The following LEKR1 variants were observed in gnomAD, a reference collection of about 807,000 sequenced individuals.
LEKR1 encodes protein LEKR1.
LEKR1 carries 59 observed loss-of-function variants against 72.4 expected under a neutral mutation model. The observed-to-expected ratio is 0.82, with a 90% CI of 0.66 to 1.01. The LOEUF (loss-of-function observed/expected upper bound fraction) is 1.01. LEKR1 is among the 50% of genes least tolerant of loss of function. The probability of loss-of-function intolerance (pLI) is 0.00; values close to 1 mark genes in which losing one functional copy is unlikely to be tolerated. For missense variants in LEKR1, 728 were observed against 759.2 expected, an observed-to-expected ratio of 0.96 and a Z score of 0.48; for synonymous variants, 257 against 263.2, an observed-to-expected ratio of 0.98 and a Z score of 0.23.
intron 3 of LEKR1, among the ~76,000 whole-genome samples, chr3:156,855,142 T>C (rs186749708): frequency 2.6e-4 from 39 of 152,306 alleles, no homozygotes; most frequent in Admixed American, 2.0e-4. Context: ...TGTGAACATA[T>C]GTTGTTCCAA....
At position 157,028,105 on chromosome 3, in the gene LEKR1, A is replaced by G; in HGVS notation, c.1371A>G (p.Ile457Met). The G allele has an allele frequency of 6.4e-7, 1 of 1,559,888 alleles. No individual in the cohort carries two copies. The highest frequency in any genetic ancestry group is 8.7e-7 in the Non-Finnish European group (1 of 1,153,884). The change falls in exon 12 of 13, where the codon ATA becomes ATG. Residue 457 changes from isoleucine (I) to methionine (M), a missense_variant and splice_region_variant. Coordinates refer to ENST00000356539, the MANE Select transcript of LEKR1 (RefSeq NM_001004316.3). ...KKEQEELQMK[I>M]SDLITGATRD... Reference sequence around the variant, plus strand: ...CTAATATGAGATTTATCTTACAGATATCTGACTTAATCACAGGCGCTACAA... The same window carrying G: ...CTAATATGAGATTTATCTTACAGATGTCTGACTTAATCACAGGCGCTACAA...
At chr3:156,926,246 A>G (rs1724706391) in intron 4 of LEKR1, among the ~76,000 whole-genome samples, 2 of 152,040 alleles carry the variant, frequency 1.3e-5, no homozygotes, top group African/African-American at 2.4e-5. Context: ...CTGGCCCATG[A>G]GTTTCATTGT....
At chr3:156,995,106 G>A (rs1412369115) in intron 9 of LEKR1, among the ~76,000 whole-genome samples, 1 of 152,108 alleles carries the variant, frequency 6.6e-6, no homozygotes, top group Non-Finnish European at 1.5e-5. Context: ...AATACTATTG[G>A]GGATCAAAAA....
chr3:157,026,409 T>A (rs1179578063), intron 11 of LEKR1, among the ~76,000 whole-genome samples: 1 of 152,208 alleles, frequency 6.6e-6, no homozygotes, highest in Non-Finnish European at 1.5e-5. Flanking sequence ...AACCTCCTGA[T>A]CTTTAAATGT....
rs368534984 is a variant in LEKR1 at position 156,899,691 on chromosome 3, CAT to C, written c.264-20878_264-20877del. Among the ~76,000 whole-genome samples, 83 of 141,124 alleles carry C rather than the reference CAT, an allele frequency of 5.9e-4. 2 individuals carry two copies. The highest frequency in any genetic ancestry group is 2.0e-3 in the African/African-American group (75 of 37,782). 92.6% of individuals were successfully genotyped at this position (141,124 alleles called of 152,430 possible). A position where few individuals can be genotyped will look rare whatever the true frequency, so the allele number is the denominator to read the frequency against. On this transcript the variant is annotated intron_variant, in intron 3 of 12. Coordinates refer to ENST00000356539, the MANE Select transcript of LEKR1 (RefSeq NM_001004316.3). The stretch of plus-strand genomic sequence containing the variant: ...ACACATATATACACGCATATATACA[CAT>C]ATATACACGCATATATACACATATA...
Position 156,992,385 on chromosome 3 carries a change from C to G in LEKR1, c.828-268C>G, listed in dbSNP as rs973917444. Among the ~76,000 whole-genome samples the G allele has an allele frequency of 1.7e-4, 26 of 152,156 alleles. 1 individual carries two copies. The highest frequency in any genetic ancestry group is 1.5e-5 in the Non-Finnish European group (1 of 68,020). ...CCCTGCTTTTAGTCACTTTCCAATA[C>G]CTTCACATAGGTATTTTGGGTTTTG... is the stretch of plus-strand genomic sequence containing the variant. On this transcript the variant is annotated intron_variant, in intron 7 of 12. Coordinates refer to ENST00000356539, the MANE Select transcript of LEKR1 (RefSeq NM_001004316.3).
intron 6 of LEKR1, among the ~76,000 whole-genome samples, chr3:156,946,074 AT>A (rs1726652135): frequency 6.6e-6 from 1 of 151,674 alleles, no homozygotes; most frequent in African/African-American, 2.4e-5. Flanking sequence ...GATTTTTCCA[AT>A]CTATGAACTT....
At chr3:157,021,099 A>G (rs1209963714) in intron 10 of LEKR1, among the ~76,000 whole-genome samples, 1 of 151,902 alleles carries the variant, frequency 6.6e-6, no homozygotes, top group East Asian at 1.9e-4. Context: ...GTCTGTTCAT[A>G]TCCTTCACCC....
intron 12 of LEKR1, among the ~76,000 whole-genome samples, chr3:157,030,778 G>A (rs1427170243): frequency 6.6e-6 from 1 of 152,182 alleles, no homozygotes; most frequent in Non-Finnish European, 1.5e-5. Flanking sequence ...CAACTAGGAT[G>A]GGATTGGCTT....
intron 5 of LEKR1, among the ~76,000 whole-genome samples, chr3:156,933,075 A>C (rs563056116): frequency 6.6e-6 from 1 of 152,204 alleles, no homozygotes; most frequent in East Asian, 1.9e-4. Context: ...AGACACTGAG[A>C]GTGTGCTAGT....
At chr3:156,883,378 T>A (rs1300360470) in intron 3 of LEKR1, among the ~76,000 whole-genome samples, 1 of 152,214 alleles carries the variant, frequency 6.6e-6, no homozygotes, top group East Asian at 1.9e-4. Flanking sequence ...GATGAGACTT[T>A]GGAATGTGGA....
intron 6 of LEKR1, among the ~76,000 whole-genome samples, chr3:156,978,430 T>G (rs1729892127): frequency 6.6e-6 from 1 of 152,196 alleles, no homozygotes; most frequent in South Asian, 2.1e-4. Context: ...TCAGTTTGTT[T>G]TCCATTATAA....
chr3:156,978,094 A>G (rs1172996922), intron 6 of LEKR1, among the ~76,000 whole-genome samples: 3 of 152,204 alleles, frequency 2.0e-5, no homozygotes, highest in Non-Finnish European at 2.9e-5. Context: ...AGTTAATGTA[A>G]TAAGAACAAG....
At chr3:156,899,065 T>C (rs2108561348) in intron 3 of LEKR1, among the ~76,000 whole-genome samples, 1 of 152,122 alleles carries the variant, frequency 6.6e-6, no homozygotes, top group African/African-American at 2.4e-5. Flanking sequence ...GAAAGACAGG[T>C]TGCTGTCAGT....
At chr3:156,886,026 G>C (rs1044815559) in intron 3 of LEKR1, among the ~76,000 whole-genome samples, 3 of 152,196 alleles carry the variant, frequency 2.0e-5, no homozygotes, top group Non-Finnish European at 4.4e-5. Flanking sequence ...GCTCCCAAGA[G>C]TTTCTGTGTT....
chr3:156,992,893 G>A (rs140302360), intron 8 of LEKR1, among the ~76,000 whole-genome samples, 163 bp downstream of exon 8: 23 of 152,088 alleles, frequency 1.5e-4, no homozygotes, highest in Middle Eastern at 3.4e-3. Context: ...GGTTATTGCT[G>A]TTGCCACTGC....
chr3:156,950,395 G>T (rs975799319), intron 6 of LEKR1, among the ~76,000 whole-genome samples: 3 of 151,376 alleles, frequency 2.0e-5, no homozygotes, highest in African/African-American at 7.3e-5. Context: ...TAGTTTGATA[G>T]GAATAGCATT....
At chr3:156,980,193 C>T (rs976069581) in intron 7 of LEKR1, among the ~76,000 whole-genome samples, 4 of 151,928 alleles carry the variant, frequency 2.6e-5, no homozygotes, top group African/African-American at 9.7e-5. Flanking sequence ...GGAGGATGAA[C>T]CTCATAAAAA....
Position 156,870,364 on chromosome 3 carries a change from C to CGTCTTTATTTCA in LEKR1, c.263+17383_263+17394dup, listed in dbSNP as rs1205668178. On this transcript the variant is annotated intron_variant, in intron 3 of 12. Coordinates refer to ENST00000356539, the MANE Select transcript of LEKR1 (RefSeq NM_001004316.3). ...ACAATGTCTTTTCATTTCTTTTTGT[C>CGTCTTTATTTCA]GTCTTTATTTCATCAGTGTTTTGTT... 3.3e-5 allele frequency among the ~76,000 whole-genome samples: 5 copies of CGTCTTTATTTCA among 151,898 alleles called. No homozygotes were observed. In the East Asian group the frequency reaches 9.7e-4, roughly 29 times the overall value.
Sources: allele counts gnomAD v4.1 joint callset (sites outside exome capture counted in the v4.1 genomes callset), GRCh38; gene constraint gnomAD v4.1.1; transcripts MANE v1.5; gene names NCBI Gene and HGNC (gene_info 2026-07-23, HGNC 2026-07-21).